INSL6: variants seen among roughly 807,000 people sequenced by gnomAD.
INSL6 encodes insulin-like peptide INSL6.
INSL6 carries 16 observed loss-of-function variants against 9.4 expected under a neutral mutation model. The observed-to-expected ratio is 1.70, with a 90% CI of 1.15 to 2.59. INSL6 has a LOEUF of 2.59. INSL6 is among the 30% of genes most tolerant of loss of function. The pLI is 0.00. For synonymous variants in INSL6, 154 were observed against 96.9 expected (o/e 1.59, Z -3.46); for missense variants, 391 against 257.3 (o/e 1.52, Z -3.56).
the INSL6 span, among the ~76,000 whole-genome samples, chr9:4,997,949 T>C: frequency 6.6e-6 from 1 of 152,162 alleles, no homozygotes; most frequent in African/African-American, 2.4e-5. Flanking sequence ...ATTATGATAA[T>C]CTTTAAATAA....
the INSL6 span, among the ~76,000 whole-genome samples, chr9:5,104,091 G>T: frequency 6.6e-6 from 1 of 151,840 alleles, no homozygotes; most frequent in Non-Finnish European, 1.5e-5. Context: ...AGGAGATAGA[G>T]ACACAACTCT....
intron 2 of INSL6, among the ~76,000 whole-genome samples, chr9:5,149,248 A>G (rs1278206222): frequency 6.6e-6 from 1 of 152,166 alleles, no homozygotes; most frequent in Non-Finnish European, 1.5e-5. Context: ...AGGCACCCCA[A>G]ACGGGATTCC....
the INSL6 span, among the ~76,000 whole-genome samples, chr9:5,028,103 C>T: frequency 6.6e-6 from 1 of 152,144 alleles, no homozygotes; most frequent in Non-Finnish European, 1.5e-5. Context: ...TGAGAGGAAA[C>T]ACTGTGACAG....
downstream of INSL6, among the ~76,000 whole-genome samples, chr9:5,120,384 G>T (rs1354305268): frequency 6.6e-6 from 1 of 152,182 alleles, no homozygotes; most frequent in African/African-American, 2.4e-5. Context: ...AAGTCTGAAA[G>T]AACTCAATTT....
At chr9:5,132,013 T>C (rs1019981537) in intron 3 of INSL6, 5 of 152,206 alleles carry the variant, frequency 3.3e-5, no homozygotes, top group African/African-American at 1.2e-4. Flanking sequence ...TTATTACTTT[T>C]ATAACTGCTT....
the INSL6 span, among the ~76,000 whole-genome samples, chr9:5,087,485 T>C: frequency 6.8e-6 from 1 of 147,316 alleles, no homozygotes; most frequent in African/African-American, 2.7e-5. Flanking sequence ...CTCCCTTACT[T>C]GATTTCTTTC....
At chr9:5,022,025 G>A in the INSL6 span, 2 of 1,614,072 alleles carry the variant, frequency 1.2e-6, no homozygotes, top group African/African-American at 1.3e-5. Flanking sequence ...GAAATGGAGG[G>A]AACATCCACC....
intron 1 of INSL6, among the ~76,000 whole-genome samples, chr9:5,177,977 G>A (rs1242087042): frequency 6.6e-6 from 1 of 152,168 alleles, no homozygotes; most frequent in Non-Finnish European, 1.5e-5. Context: ...CCAGGTTCAA[G>A]CGATTCTCCC....
intron 1 of INSL6, among the ~76,000 whole-genome samples, chr9:5,172,012 C>T (rs559470305): frequency 1.3e-5 from 2 of 152,260 alleles, no homozygotes; most frequent in South Asian, 2.1e-4. Context: ...ACCAAAAGAG[C>T]TCAAACAGCC....
At chr9:5,180,010 C>CA (rs201665497) in intron 1 of INSL6, among the ~76,000 whole-genome samples, 232 of 151,464 alleles carry the variant, frequency 1.5e-3, no homozygotes, top group African/African-American at 5.5e-3. Context: ...GAAGGTGAAG[C>CA]AAAAAAAAGA....
downstream of INSL6, among the ~76,000 whole-genome samples, chr9:5,121,143 C>A (rs1306871592): frequency 2.0e-5 from 3 of 152,040 alleles, no homozygotes; most frequent in Non-Finnish European, 4.4e-5. Context: ...TAATTGAAAA[C>A]AAAATCTTCC....
intron 3 of INSL6, among the ~76,000 whole-genome samples, chr9:5,130,972 G>A (rs1295267909): frequency 4.6e-5 from 7 of 151,666 alleles, no homozygotes; most frequent in African/African-American, 1.7e-4. Context: ...CTCATGATCC[G>A]CCCGCCTCGG....
the INSL6 span, among the ~76,000 whole-genome samples, chr9:5,113,191 C>CTTTT: frequency 1.7e-5 from 1 of 57,160 alleles, no homozygotes; most frequent in African/African-American, 8.2e-5. Context: ...CTGGCAGGAG[C>CTTTT]TTTTTTTTTT....
the INSL6 span, among the ~76,000 whole-genome samples, chr9:5,034,319 T>A: frequency 6.6e-6 from 1 of 152,070 alleles, no homozygotes; most frequent in Non-Finnish European, 1.5e-5. Context: ...ACTGTCAACA[T>A]TAGACAGATC....
chr9:5,015,538 C>CTT, the INSL6 span, among the ~76,000 whole-genome samples: 2 of 109,650 alleles, frequency 1.8e-5, no homozygotes, highest in African/African-American at 3.0e-5. Context: ...TTTTTCTTTT[C>CTT]TTTTTTTTTT....
intron 2 of INSL6, among the ~76,000 whole-genome samples, chr9:5,145,410 T>G (rs1398398141): frequency 6.6e-6 from 1 of 152,182 alleles, no homozygotes; most frequent in Non-Finnish European, 1.5e-5. Flanking sequence ...ATTTTGACCT[T>G]GGAGATTCTG....
At chr9:5,028,921 C>G in the INSL6 span, among the ~76,000 whole-genome samples, 35,933 of 152,142 alleles carry the variant, frequency 0.24, 4,706 homozygotes, top group South Asian at 0.31. Flanking sequence ...GTCACATCAT[C>G]AATAAGGCTG....
chr9:5,000,260 G>A, the INSL6 span, among the ~76,000 whole-genome samples: 5 of 152,034 alleles, frequency 3.3e-5, no homozygotes, highest in Non-Finnish European at 7.4e-5. Context: ...TAGAAAGGAG[G>A]TACATAATGT....
intron 2 of INSL6, among the ~76,000 whole-genome samples, chr9:5,155,937 A>G (rs1469196812): frequency 6.6e-6 from 1 of 152,192 alleles, no homozygotes; most frequent in Non-Finnish European, 1.5e-5. Context: ...AGAAAAAAAA[A>G]GACCAATACA....
Sources: allele counts gnomAD v4.1 joint callset (sites outside exome capture counted in the v4.1 genomes callset), GRCh38; gene constraint gnomAD v4.1.1; transcripts MANE v1.5; gene names NCBI Gene and HGNC (gene_info 2026-07-23, HGNC 2026-07-21).